Variants in NDRG3 observed in about 807,000 individuals in gnomAD.
NDRG3 encodes the protein protein NDRG3.
Under a neutral mutation model 57.2 loss-of-function variants are expected in NDRG3, and 23 were observed. The ratio of observed to expected loss-of-function variants is 0.40; its 90% CI spans 0.29 to 0.57. The LOEUF (loss-of-function observed/expected upper bound fraction) is 0.57, where lower values mean the gene tolerates loss of function less well. NDRG3 is among the 20% of genes least tolerant of loss of function. NDRG3 has a pLI of 0.42. For missense variants in NDRG3, 384 were observed against 457.3 expected, an observed-to-expected ratio of 0.84 and a Z score of 1.46; for synonymous variants, 132 against 162.6, an observed-to-expected ratio of 0.81 and a Z score of 1.43.
At chr20:36,740,054 T>C (rs1985852054) in intron 1 of NDRG3, among the ~76,000 whole-genome samples, 1 of 152,054 alleles carries the variant, frequency 6.6e-6, no homozygotes, top group African/African-American at 2.4e-5. Flanking sequence ...CACTTTTAGG[T>C]AATAAGGGGA....
At chr20:36,742,210 T>C (rs1051879369) in intron 1 of NDRG3, among the ~76,000 whole-genome samples, 8 of 152,200 alleles carry the variant, frequency 5.3e-5, no homozygotes, top group African/African-American at 1.9e-4. Context: ...TGCTTTACTC[T>C]TCCCCAACAG....
chr20:36,696,595 G>A (rs1342377211), intron 3 of NDRG3, among the ~76,000 whole-genome samples: 1 of 152,000 alleles, frequency 6.6e-6, no homozygotes, highest in Admixed American at 6.6e-5. Flanking sequence ...CCGGGTTCAA[G>A]TGATTCCCCT....
At chr20:36,720,596 T>C (rs1984533150) in intron 2 of NDRG3, among the ~76,000 whole-genome samples, 1 of 151,974 alleles carries the variant, frequency 6.6e-6, no homozygotes, top group African/African-American at 2.4e-5. Context: ...TGACATCCAG[T>C]CCTCCCTGAT....
chr20:36,665,544 A>C (rs1979553601), intron 10 of NDRG3, among the ~76,000 whole-genome samples: 1 of 152,098 alleles, frequency 6.6e-6, no homozygotes, highest in Non-Finnish European at 1.5e-5. Flanking sequence ...TGCTACAAGG[A>C]GACAGCCTCA....
chr20:36,686,488 T>C (rs892627812), intron 5 of NDRG3, among the ~76,000 whole-genome samples: 4 of 152,200 alleles, frequency 2.6e-5, no homozygotes, highest in African/African-American at 9.7e-5. Flanking sequence ...TCTGCAATTG[T>C]CTATTTCCCA....
At chr20:36,728,796 G>T (rs763664056) in intron 1 of NDRG3, among the ~76,000 whole-genome samples, 1 of 151,976 alleles carries the variant, frequency 6.6e-6, no homozygotes, top group Non-Finnish European at 1.5e-5. Context: ...CTCAATCGCG[G>T]CTCACTGCAA....
chr20:36,738,495 T>A (rs1186888462), intron 1 of NDRG3, among the ~76,000 whole-genome samples: 1 of 146,358 alleles, frequency 6.8e-6, no homozygotes, highest in Non-Finnish European at 1.5e-5. Context: ...AGAGCAAAAC[T>A]CCTTTGCAAA....
intron 3 of NDRG3, among the ~76,000 whole-genome samples, chr20:36,696,707 G>T (rs1982820832): frequency 6.6e-6 from 1 of 151,238 alleles, no homozygotes; most frequent in African/African-American, 2.4e-5. Context: ...TGGCCAGGAT[G>T]GTCTCGATCC....
In NDRG3 at chr20:36,687,713, A is replaced by G. The variant is rs910504831; in HGVS notation, c.200-101T>C. On this transcript the variant is annotated intron_variant, in intron 4 of 15. Transcript: ENST00000349004. ...TTATCACCTTCTTTCCCTGCTTTTT[A>G]ACCACCATTCCACCAAAGTGAGGTG... is the stretch of plus-strand genomic sequence containing the variant. The G allele has an allele frequency of 1.5e-4, 204 of 1,374,224 alleles. 1 individual carries two copies. Among genetic ancestry groups the G allele is most frequent in the Non-Finnish European group, 1.9e-4 (193 of 1,015,972 alleles). The allele number at this position is 1,374,224 out of a possible 1,614,324, so 85.1% of individuals were successfully genotyped here.
chr20:36,691,843 T>C (rs1289528471), intron 3 of NDRG3, among the ~76,000 whole-genome samples: 4 of 152,236 alleles, frequency 2.6e-5, no homozygotes, highest in Admixed American at 2.6e-4. Flanking sequence ...CCCTGGTTCA[T>C]TCATTAAACA....
intron 3 of NDRG3, among the ~76,000 whole-genome samples, chr20:36,691,270 C>T (rs146343600): frequency 1.3e-5 from 2 of 152,276 alleles, no homozygotes; most frequent in African/African-American, 4.8e-5. Context: ...AGGCTGGAGC[C>T]GATAGCCATC....
intron 1 of NDRG3, among the ~76,000 whole-genome samples, chr20:36,725,264 T>C (rs777590012): frequency 1.0e-3 from 157 of 150,934 alleles, no homozygotes; most frequent in Non-Finnish European, 1.8e-3. Flanking sequence ...GCCACCGCAC[T>C]CCAGCCTGGG....
chr20:36,721,641 G>T (rs755023224), intron 2 of NDRG3, 38 bp downstream of exon 2: 9 of 1,240,652 alleles, frequency 7.3e-6, no homozygotes, highest in Non-Finnish European at 1.1e-5. Context: ...AGAAGAAAAG[G>T]CTTGTCCATA....
At chr20:36,676,102 T>TGC (rs1980679275) in intron 8 of NDRG3, among the ~76,000 whole-genome samples, 5 of 151,674 alleles carry the variant, frequency 3.3e-5, no homozygotes, top group African/African-American at 1.2e-4. Flanking sequence ...TAGCCGGGCT[T>TGC]GGTGGCGGGC....
intron 1 of NDRG3, among the ~76,000 whole-genome samples, chr20:36,738,927 C>T (rs1985758610): frequency 7.0e-6 from 1 of 142,282 alleles, no homozygotes; most frequent in Non-Finnish European, 1.5e-5. Flanking sequence ...AGTTCAAGAC[C>T]AGTCTGGCTA....
intron 12 of NDRG3, among the ~76,000 whole-genome samples, chr20:36,660,592 G>A (rs868545022): frequency 2.0e-5 from 3 of 148,574 alleles, no homozygotes; most frequent in Non-Finnish European, 3.0e-5. Context: ...ACGGAGTCTC[G>A]CTCTGTCGCC....
At chr20:36,677,120 G>A (rs1248688307) in intron 8 of NDRG3, among the ~76,000 whole-genome samples, 1 of 152,146 alleles carries the variant, frequency 6.6e-6, no homozygotes, top group Non-Finnish European at 1.5e-5. Context: ...CTGGGGACAA[G>A]CGGGAGCCGG....
chr20:36,667,968 G>A (rs1979779567), intron 9 of NDRG3, among the ~76,000 whole-genome samples: 1 of 152,144 alleles, frequency 6.6e-6, no homozygotes, highest in Non-Finnish European at 1.5e-5. Flanking sequence ...GGCCAGGTGT[G>A]GTGGCTCATG....
chr20:36,679,210 C>A (rs531737534), intron 8 of NDRG3, among the ~76,000 whole-genome samples: 32 of 152,226 alleles, frequency 2.1e-4, no homozygotes, highest in African/African-American at 7.7e-4. Flanking sequence ...CCTCCCACCT[C>A]GGCCTCCCAA....
Sources: allele counts gnomAD v4.1 joint callset (sites outside exome capture counted in the v4.1 genomes callset), GRCh38; gene constraint gnomAD v4.1.1; transcripts MANE v1.5; gene names NCBI Gene and HGNC (gene_info 2026-07-23, HGNC 2026-07-21).